APP: variants seen among roughly 807,000 people sequenced by gnomAD.
APP encodes the protein amyloid beta precursor protein, also known as amyloid-beta precursor protein.
APP carries 31 observed loss-of-function variants against 101.4 expected under a neutral mutation model. That is an observed-to-expected ratio of 0.31 (90% CI 0.23 to 0.41). The LOEUF (loss-of-function observed/expected upper bound fraction) is 0.41. Ranked by LOEUF, APP falls within the 10% of genes least tolerant of loss-of-function variation. The pLI, the probability that APP is intolerant of heterozygous loss-of-function variation, is 1.00. For synonymous variants in APP, 366 were observed against 364.4 expected (o/e 1.00, Z -0.05); for missense variants, 839 against 1,003.7 (o/e 0.84, Z 2.22).
At chr21:25,980,921 T>C (rs1026364773) in intron 9 of APP, among the ~76,000 whole-genome samples, 6 of 152,096 alleles carry the variant, frequency 3.9e-5, no homozygotes, top group South Asian at 2.1e-4. Context: ...GAGCCTTTTA[T>C]TGTGGTTTTC....
At chr21:26,164,034 CAA>C (rs1296765172) in intron 1 of APP, among the ~76,000 whole-genome samples, 2 of 152,106 alleles carry the variant, frequency 1.3e-5, no homozygotes, top group African/African-American at 4.8e-5. Context: ...ATCACGAGGT[CAA>C]GAGTTTGAGA....
At position 25,988,210 on chromosome 21, in the gene APP, C is replaced by T. The variant is rs569730553; in HGVS notation, c.1091-5733G>A. ...GGCAAATTCCACGAGACCCGCATGG[C>T]CAGAGCTAAAGAAGCAAGAGAGGAA... On this transcript the variant is annotated intron_variant, in intron 8 of 17. Coordinates refer to ENST00000346798, the MANE Select transcript of APP (RefSeq NM_000484.4). 5.9e-5 allele frequency among the ~76,000 whole-genome samples: 9 copies of T among 152,050 alleles called. No homozygotes were observed. In the East Asian group the frequency reaches 1.2e-3, roughly 20 times the overall value.
chr21:26,162,514 A>C (rs990279429), intron 1 of APP, among the ~76,000 whole-genome samples: 18 of 152,128 alleles, frequency 1.2e-4, no homozygotes, highest in African/African-American at 4.1e-4. Context: ...ACAGACAAGG[A>C]AAAACTAAAC....
intron 15 of APP, among the ~76,000 whole-genome samples, chr21:25,904,770 A>T (rs1310058382): frequency 1.3e-5 from 2 of 152,100 alleles, no homozygotes; most frequent in Non-Finnish European, 2.9e-5. Flanking sequence ...AAAAAAACCC[A>T]AATTTGGAAG....
intron 6 of APP, among the ~76,000 whole-genome samples, chr21:26,017,428 A>T (rs1038390872): frequency 4.1e-5 from 6 of 147,362 alleles, no homozygotes; most frequent in African/African-American, 1.5e-4. Flanking sequence ...AAAAAAAAAA[A>T]TTTAAATTAC....
intron 9 of APP, among the ~76,000 whole-genome samples, chr21:25,980,397 TATG>T (rs777817905): frequency 7.9e-5 from 12 of 152,184 alleles, no homozygotes; most frequent in Admixed American, 3.3e-4. Context: ...TGGCAATAAG[TATG>T]ATTCATAGTC....
intron 9 of APP, among the ~76,000 whole-genome samples, chr21:25,981,712 T>A (rs911612913): frequency 1.7e-5 from 1 of 59,898 alleles, no homozygotes; most frequent in Non-Finnish European, 2.8e-5. Context: ...CCAAAACAGG[T>A]TTTTTTTTTT....
intron 9 of APP, among the ~76,000 whole-genome samples, chr21:25,976,635 C>T (rs1033452477): frequency 3.3e-5 from 5 of 152,170 alleles, no homozygotes; most frequent in African/African-American, 4.8e-5. Context: ...GCAAGGATTA[C>T]GCTAAGTCCT....
chr21:26,071,607 T>C (rs972929475), intron 3 of APP, among the ~76,000 whole-genome samples: 3 of 152,222 alleles, frequency 2.0e-5, no homozygotes, highest in Admixed American at 6.5e-5. Flanking sequence ...TTTAAAATTA[T>C]AAAGATGACT....
chr21:25,946,606 C>T (rs777990196), intron 13 of APP, among the ~76,000 whole-genome samples: 6 of 152,046 alleles, frequency 3.9e-5, no homozygotes, highest in Non-Finnish European at 8.8e-5. Flanking sequence ...GCGGAGGTTG[C>T]AGTGAACTGA....
At chr21:25,917,018 T>G (rs980167517) in intron 13 of APP, among the ~76,000 whole-genome samples, 3 of 152,164 alleles carry the variant, frequency 2.0e-5, no homozygotes, top group African/African-American at 7.2e-5. Context: ...AATCTAGCAC[T>G]TTGGGAGGCC....
intron 11 of APP, among the ~76,000 whole-genome samples, chr21:25,963,045 C>T (rs956302233): frequency 3.3e-5 from 5 of 152,206 alleles, no homozygotes; most frequent in Non-Finnish European, 7.3e-5. Context: ...AACTCCTGAC[C>T]TCAGGTGATC....
chr21:25,975,871 G>C (rs1315755157), intron 10 of APP, 83 bp downstream of exon 10: 1 of 1,075,666 alleles, frequency 9.3e-7, no homozygotes, highest in Non-Finnish European at 1.4e-6. Context: ...GTGAGGTGCT[G>C]GCAGATAAAG....
intron 2 of APP, among the ~76,000 whole-genome samples, chr21:26,111,427 T>C (rs1040134310): frequency 6.6e-6 from 1 of 152,078 alleles, no homozygotes; most frequent in Non-Finnish European, 1.5e-5. Flanking sequence ...CGTGGTGAGA[T>C]ATATACTGAA....
intron 11 of APP, among the ~76,000 whole-genome samples, chr21:25,972,202 C>T (rs371589313): frequency 6.6e-5 from 10 of 151,950 alleles, no homozygotes; most frequent in African/African-American, 9.7e-5. Context: ...TTTCTATATA[C>T]AACAACTACA....
At chr21:25,986,304 A>C (rs939448019) in intron 8 of APP, among the ~76,000 whole-genome samples, 14 of 152,220 alleles carry the variant, frequency 9.2e-5, no homozygotes, top group African/African-American at 3.1e-4. Context: ...TAGAAAGTGG[A>C]AACAAACTGG....
intron 3 of APP, chr21:26,053,553 T>TA (rs1160370469): frequency 2.0e-6 from 1 of 489,496 alleles, no homozygotes; most frequent in Non-Finnish European, 3.7e-6. Flanking sequence ...GTTTGATGGT[T>TA]AAAATAATGC....
intron 3 of APP, among the ~76,000 whole-genome samples, chr21:26,063,481 G>A (rs2046349083): frequency 6.6e-6 from 1 of 151,734 alleles, no homozygotes; most frequent in South Asian, 2.1e-4. Context: ...CTGATTCTAG[G>A]ATTAGGGCTG....
chr21:26,019,005 A>C (rs559958776), intron 6 of APP, among the ~76,000 whole-genome samples: 1 of 152,336 alleles, frequency 6.6e-6, no homozygotes, highest in South Asian at 2.1e-4. Context: ...AATGAGACCA[A>C]TTTATCTCAA....
Sources: allele counts gnomAD v4.1 joint callset (sites outside exome capture counted in the v4.1 genomes callset), GRCh38; gene constraint gnomAD v4.1.1; transcripts MANE v1.5; gene names NCBI Gene and HGNC (gene_info 2026-07-23, HGNC 2026-07-21).